Variants in PCDH15 observed in about 807,000 individuals in gnomAD.
The protein encoded by PCDH15 is protocadherin related 15, also known as protocadherin-15.
In PCDH15, 129 loss-of-function variants were observed where a neutral mutation model predicts 178.5. That is an observed-to-expected ratio of 0.72 (90% CI 0.63 to 0.84). PCDH15 has a LOEUF of 0.84. Among genes scored for constraint, PCDH15 ranks in the 40% least tolerant of loss-of-function variants. The pLI is 0.00. For synonymous variants in PCDH15, 800 were observed against 732.0 expected (o/e 1.09, Z -1.50); for missense variants, 2,230 against 2,099.9 (o/e 1.06, Z -1.21).
chr10:54,498,785 G>A (rs1249845514), intron 3 of PCDH15, among the ~76,000 whole-genome samples: 3 of 152,112 alleles, frequency 2.0e-5, no homozygotes, highest in Admixed American at 6.6e-5. Flanking sequence ...AGAAATACCT[G>A]AAACTGGGTA....
intron 2 of PCDH15, among the ~76,000 whole-genome samples, chr10:55,338,176 G>A (rs999958365): frequency 1.2e-4 from 19 of 152,162 alleles, no homozygotes; most frequent in Non-Finnish European, 2.6e-4. Flanking sequence ...AGGATGTGGT[G>A]AAAGGGGAAC....
chr10:54,478,654 CTT>C (rs1345839982), intron 3 of PCDH15, among the ~76,000 whole-genome samples: 1 of 152,060 alleles, frequency 6.6e-6, no homozygotes, highest in Non-Finnish European at 1.5e-5. Flanking sequence ...TTTGCACTCT[CTT>C]TACATTATTC....
intron 1 of PCDH15, among the ~76,000 whole-genome samples, chr10:55,172,597 T>C (rs1839367799): frequency 1.3e-5 from 2 of 152,068 alleles, no homozygotes; most frequent in African/African-American, 2.4e-5. Flanking sequence ...CTCAGCATGC[T>C]ACAATAACTC....
At chr10:54,887,424 A>G (rs1395937885) in intron 3 of PCDH15, among the ~76,000 whole-genome samples, 3 of 152,130 alleles carry the variant, frequency 2.0e-5, no homozygotes, top group Non-Finnish European at 2.9e-5. Context: ...TTGAGATTCT[A>G]AGTGATTATA....
At chr10:53,828,207 C>CAAAAAAAAAAAAAA (rs71004480) in intron 31 of PCDH15, among the ~76,000 whole-genome samples, 18 of 53,770 alleles carry the variant, frequency 3.3e-4, no homozygotes, top group African/African-American at 1.2e-3. Flanking sequence ...AAGTCCGTCT[C>CAAAAAAAAAAAAAA]AAAAAAAAAA....
At chr10:53,858,971 C>T (rs1425619933) in intron 27 of PCDH15, among the ~76,000 whole-genome samples, 4 of 151,938 alleles carry the variant, frequency 2.6e-5, no homozygotes, top group Non-Finnish European at 5.9e-5. Context: ...GTATATGAAA[C>T]TTGCATAACT....
intron 1 of PCDH15, among the ~76,000 whole-genome samples, chr10:55,172,650 C>T (rs1325482279): frequency 6.6e-6 from 1 of 151,902 alleles, no homozygotes; most frequent in African/African-American, 2.4e-5. Context: ...TGTATTTAGT[C>T]ATTACATTTT....
chr10:54,830,040 T>C (rs1410949559), intron 3 of PCDH15, among the ~76,000 whole-genome samples: 1 of 152,076 alleles, frequency 6.6e-6, no homozygotes, highest in Non-Finnish European at 1.5e-5. Context: ...ATTCAGATTA[T>C]CCAATTCTAT....
At chr10:53,907,102 T>C (rs2082733889) in intron 25 of PCDH15, 3 of 152,222 alleles carry the variant, frequency 2.0e-5, no homozygotes, top group Admixed American at 2.0e-4. Context: ...TTCATGTGTA[T>C]ACAATGTACA....
At chr10:54,189,981 C>G (rs2048843494) in intron 11 of PCDH15, among the ~76,000 whole-genome samples, 1 of 146,164 alleles carries the variant, frequency 6.8e-6, no homozygotes, top group Admixed American at 6.9e-5. Context: ...ATGTCTACAT[C>G]TATATAGCAA....
At chr10:54,202,109 T>G (rs2050294392) in intron 10 of PCDH15, among the ~76,000 whole-genome samples, 1 of 152,222 alleles carries the variant, frequency 6.6e-6, no homozygotes, top group African/African-American at 2.4e-5. Context: ...GTGACTTTGC[T>G]CTTAACACAT....
At chr10:55,075,458 C>T (rs111468911) in intron 2 of PCDH15, among the ~76,000 whole-genome samples, 8,345 of 151,206 alleles carry the variant, frequency 0.055, 411 homozygotes, top group African/African-American at 0.12. Flanking sequence ...CTCTGCCTCC[C>T]GGGTTCAAGC....
chr10:54,386,648 A>G (rs1949968038), intron 3 of PCDH15, among the ~76,000 whole-genome samples: 1 of 152,182 alleles, frequency 6.6e-6, no homozygotes, highest in Non-Finnish European at 1.5e-5. Flanking sequence ...AAAAGTGTGT[A>G]AAGAACTTGA....
chr10:55,283,605 C>T lies in PCDH15; in HGVS notation c.-156+35994G>A, dbSNP rs188191514. ...TTCTTCCTTTTGTCCTGTCTTCCTCCATTCTTGCCCACCTGCTTTCTATCC... is the reference window on the plus strand; with the variant it reads ...TTCTTCCTTTTGTCCTGTCTTCCTCTATTCTTGCCCACCTGCTTTCTATCC... On this transcript the variant is annotated intron_variant, in intron 1 of 5. Transcript: ENST00000458638. Among the ~76,000 whole-genome samples the T allele has an allele frequency of 4.6e-5, 7 of 151,364 alleles. No individual in the cohort carries two copies. In the East Asian group the frequency reaches 1.4e-3, roughly 29 times the overall value.
rs372835047 is a variant in PCDH15 at position 55,405,973 on chromosome 10, G to A, written c.-156+221652C>T. ...ATTTTAAATCAAGTAATCAGAGTCAGTGTCGATGAGAAAATTGTATTTGAG... is the reference window on the plus strand; with the variant it reads ...ATTTTAAATCAAGTAATCAGAGTCAATGTCGATGAGAAAATTGTATTTGAG... On this transcript the variant is annotated intron_variant, in intron 2 of 5. Coordinates refer to the PCDH15 transcript ENST00000613346. 6.6e-4 allele frequency among the ~76,000 whole-genome samples: 100 copies of A among 151,684 alleles called. 4 individuals are homozygous for A. The South Asian group carries it at 0.019, about 29-fold the overall frequency.
chr10:54,329,332 A>G (rs552341598), intron 7 of PCDH15, among the ~76,000 whole-genome samples: 2 of 152,060 alleles, frequency 1.3e-5, no homozygotes, highest in South Asian at 4.1e-4. Flanking sequence ...TCCTACTTTG[A>G]AAAATATTTC....
At chr10:54,021,933 TAATTAATTAATTG>T (rs1438836618) in intron 19 of PCDH15, among the ~76,000 whole-genome samples, 2 of 152,004 alleles carry the variant, frequency 1.3e-5, no homozygotes, top group African/African-American at 4.8e-5. Flanking sequence ...ATAACTTAAC[TAATTAATTAATTG>T]ACAGATGAAT....
intron 2 of PCDH15, among the ~76,000 whole-genome samples, chr10:55,452,243 C>CTG (rs10688276): frequency 0.77 from 116,197 of 151,844 alleles, 45,818 homozygotes; most frequent in East Asian, 0.99. Context: ...AAACCAAAGA[C>CTG]GAGTGTAAAT....
intron 2 of PCDH15, among the ~76,000 whole-genome samples, chr10:55,490,559 T>TA (rs1236133239): frequency 6.6e-6 from 1 of 151,834 alleles, no homozygotes. Context: ...AAGAGCCACA[T>TA]ATTTGTAGTG....
Sources: gnomAD v4.1 joint callset for allele counts (sites outside exome capture counted in the v4.1 genomes callset) on GRCh38, gnomAD v4.1.1 for gene constraint, MANE v1.5 for transcripts, NCBI Gene and HGNC (gene_info 2026-07-23, HGNC 2026-07-21) for gene names.